Variants in MACF1 observed in about 807,000 individuals in gnomAD.
MACF1 encodes microtubule actin crosslinking factor 1, also known as microtubule-actin cross-linking factor 1.
Under a neutral mutation model 854.8 loss-of-function variants are expected in MACF1, and 193 were observed. The ratio of observed to expected loss-of-function variants is 0.23; its 90% confidence interval spans 0.20 to 0.25. MACF1 has a LOEUF of 0.25. Ranked by LOEUF, MACF1 falls within the 10% of genes least tolerant of loss-of-function variation. The probability of loss-of-function intolerance (pLI) is 1.00; values close to 1 mark genes in which losing one functional copy is unlikely to be tolerated. For missense variants in MACF1, 7,722 were observed against 8,929.1 expected (o/e 0.86, Z 5.45); for synonymous variants, 3,185 against 3,226.7 (o/e 0.99, Z 0.44).
chr1:39,367,738 A>G (rs1392145579), intron 49 of MACF1, among the ~76,000 whole-genome samples: 2 of 152,152 alleles, frequency 1.3e-5, no homozygotes, highest in African/African-American at 2.4e-5. Context: ...CTGTTTTGTA[A>G]TTCCTAGCCA....
In MACF1 at chr1:39,283,627, A is replaced by G; in HGVS notation, c.915+112A>G. Reference sequence around the variant, plus strand: ...GTATACTCATGGTATCAAACTATATATCCAGTATCTTTATCATACATGGAC... The same window carrying G: ...GTATACTCATGGTATCAAACTATATGTCCAGTATCTTTATCATACATGGAC... On this transcript the variant is annotated intron_variant, in intron 9 of 100. Coordinates refer to ENST00000564288, the MANE Select transcript of MACF1 (RefSeq NM_001394062.1). This position sits in a 1 kb window ranked among gnomAD's most constrained non-coding sequence, Gnocchi z 4.5. 1.4e-6 allele frequency: 1 copy of G among 732,644 alleles called. No individual in the cohort carries two copies. Among genetic ancestry groups the G allele is most frequent in the Non-Finnish European group, 2.4e-6 (1 of 424,028 alleles). The allele number at this position is 732,644 out of a possible 1,614,324, so 45.4% of individuals were successfully genotyped here.
rs1312446915 is a variant in MACF1, at chr1:39,332,810, A to G, written c.6222A>G (p.Val2074=). The part of the protein sequence containing the change: ...KTTVETEDSS[V]ENPEQDLFVE... ...CTGTAGAAACAGAAGATTCTTCTGTAGAGAACCCTGAACAGGATCTGTTTG... is the reference window on the plus strand; with the variant it reads ...CTGTAGAAACAGAAGATTCTTCTGTGGAGAACCCTGAACAGGATCTGTTTG... The change falls in exon 37 of 101, where the codon GTA becomes GTG. Residue 2074 remains valine (V), a synonymous_variant. Coordinates refer to ENST00000564288, the MANE Select transcript of MACF1 (RefSeq NM_001394062.1). The G allele has an allele frequency of 1.2e-6, 2 of 1,614,064 alleles. No homozygotes were observed. The highest frequency in any genetic ancestry group is 1.7e-6 in the Non-Finnish European group (2 of 1,180,032).
intron 2 of MACF1, among the ~76,000 whole-genome samples, chr1:39,177,165 C>T (rs932826357): frequency 5.3e-5 from 8 of 152,088 alleles, no homozygotes; most frequent in South Asian, 2.1e-4. Context: ...GACCTAGTTT[C>T]GCTCTTGTTG....
At chr1:39,294,896 A>G (rs1030190631) in intron 18 of MACF1, 150 bp from the exon 19 acceptor site, 8 of 571,420 alleles carry the variant, frequency 1.4e-5, no homozygotes, top group African/African-American at 3.8e-5. Context: ...CCTTCTCTGC[A>G]ATCCTCTGGC....
chr1:39,349,031 A>T (rs1647120579), intron 41 of MACF1, among the ~76,000 whole-genome samples: 1 of 152,172 alleles, frequency 6.6e-6, no homozygotes, highest in African/African-American at 2.4e-5. Flanking sequence ...CTTATGAATT[A>T]TCCAGGTCTT....
At position 39,324,659 on chromosome 1, in the gene MACF1, A is replaced by C; in HGVS notation, c.4403A>C (p.Glu1468Ala). Residue 1468 changes from glutamate (E) to alanine (A), a missense_variant, in exon 35 of 101, where the codon GAG (glutamate) becomes GCG (alanine). Physicochemically the swap from Glu to Ala is moderately radical, Grantham distance 107 (BLOSUM62 -1). Around this residue, in one of 15 missense-constraint regions of MACF1, gnomAD observed 1,531 missense variants for 1,601.6 expected, o/e 0.96. Coordinates refer to ENST00000564288, the MANE Select transcript of MACF1 (RefSeq NM_001394062.1). The part of the protein sequence containing the change: ...AILEQQVLSE[E>A]LTTKKEQVSE... ...TCTACCATGTAGGTTCTGTCAGAAG[A>C]GCTGACAACAAAGAAAGAACAAGTC... 6.2e-7 allele frequency: 1 copy of C among 1,611,894 alleles called. No homozygotes were observed. Among genetic ancestry groups the C allele is most frequent in the Non-Finnish European group, 8.5e-7 (1 of 1,178,260 alleles).
At chr1:39,223,515 A>AT (rs767574940) in intron 1 of MACF1, among the ~76,000 whole-genome samples, 2,115 of 144,978 alleles carry the variant, frequency 0.015, 35 homozygotes, top group East Asian at 0.035. Flanking sequence ...ATGCTATTTA[A>AT]TTTTTTTTTT....
intron 99 of MACF1, among the ~76,000 whole-genome samples, chr1:39,483,099 A>C (rs1244006282): frequency 6.7e-6 from 1 of 148,206 alleles, no homozygotes; most frequent in African/African-American, 2.5e-5. Flanking sequence ...AAAAAAAAAA[A>C]AAAAAAAAAA....
At chr1:39,360,005 AAAAAAAAATATATATATATATAT>A (rs1393072280) in intron 47 of MACF1, among the ~76,000 whole-genome samples, 31 of 69,498 alleles carry the variant, frequency 4.5e-4, no homozygotes, top group Non-Finnish European at 4.4e-4. Context: ...AAAAAAAAAA[AAAAAAAAATATATATATATATAT>A]ATATATATAT....
At position 39,411,367 on chromosome 1, in the gene MACF1, AAC is replaced by A. The variant is rs763790036; in HGVS notation, c.15817-11003_15817-11002del. The stretch of plus-strand genomic sequence containing the variant: ...TATTTTTGAAGAAAGAGAACAAGCA[AAC>A]ACAGCAGTGGTGGAGGATGGATCCG... On this transcript the variant is annotated intron_variant, in intron 58 of 100. Transcript: ENST00000564288. 32 of 1,614,052 alleles carry A rather than the reference AAC, an allele frequency of 2.0e-5. No individual in the cohort carries two copies. In the Admixed American group the frequency reaches 2.0e-4, roughly 10 times the overall value.
intron 1 of MACF1, among the ~76,000 whole-genome samples, chr1:39,214,001 T>A (rs921713632): frequency 6.6e-6 from 1 of 152,210 alleles, no homozygotes; most frequent in African/African-American, 2.4e-5. Context: ...TTAAACTGAA[T>A]GGTCTGCTAG....
chr1:39,458,546 C>T (rs1644488282), intron 90 of MACF1, 56 bp downstream of exon 90: 1 of 1,535,948 alleles, frequency 6.5e-7, no homozygotes, highest in African/African-American at 1.4e-5. Context: ...TGAGGATGAG[C>T]ACTTTCCAAA....
At chr1:39,240,241 C>T (rs1644906971) in intron 2 of MACF1, among the ~76,000 whole-genome samples, 1 of 152,154 alleles carries the variant, frequency 6.6e-6, no homozygotes, top group Non-Finnish European at 1.5e-5. Flanking sequence ...ATGAGACGGG[C>T]AGTGGAGTTT....
At chr1:39,405,467 G>A (rs768873367) in intron 58 of MACF1, among the ~76,000 whole-genome samples, 4 of 152,234 alleles carry the variant, frequency 2.6e-5, no homozygotes, top group African/African-American at 4.8e-5. Context: ...CTAGGGAAGT[G>A]TGAATCTGGG....
At position 39,254,559 on chromosome 1, in the gene MACF1, C is replaced by G. The variant is rs139272593; in HGVS notation, c.435+184C>G. The G allele has an allele frequency of 5.6e-4, 312 of 559,940 alleles. 2 individuals are homozygous for G. The East Asian group carries it at 9.0e-3, about 16-fold the overall frequency. 34.7% of individuals were successfully genotyped at this position (559,940 alleles called of 1,614,324 possible). On this transcript the variant is annotated intron_variant, in intron 5 of 100. Coordinates refer to ENST00000564288, the MANE Select transcript of MACF1 (RefSeq NM_001394062.1). ...TTAGAGAAATCATTCAGTACTCACA[C>G]AGAACTTGTGACCTCCTTGAGAGGA...
chr1:39,287,670 T>A, intron 15 of MACF1, 108 bp downstream of exon 15: 2 of 1,224,440 alleles, frequency 1.6e-6, no homozygotes, highest in African/African-American at 3.0e-5. Context: ...TTCCCTTAAT[T>A]ATTATTATTC....
intron 2 of MACF1, among the ~76,000 whole-genome samples, chr1:39,090,695 C>T (rs566321221): frequency 6.6e-6 from 1 of 152,318 alleles, no homozygotes; most frequent in Admixed American, 6.5e-5. Flanking sequence ...GGTAGGAATG[C>T]AGAGGAAGGA....
At chr1:39,386,720 G>A (rs946469163) in intron 57 of MACF1, among the ~76,000 whole-genome samples, 2 of 152,010 alleles carry the variant, frequency 1.3e-5, no homozygotes, top group Admixed American at 6.6e-5. Flanking sequence ...GTGAGCCACC[G>A]CACCCAGTGA....
At position 39,232,063 on chromosome 1, in the gene MACF1, C is replaced by G. The variant is rs1161344832; in HGVS notation, c.171+820C>G. ...ATTTTAAATAGAGGAGAAACCATAA[C>G]AGAGGCATGTTAAGACTCACCTAAA... On this transcript the variant is annotated intron_variant, in intron 2 of 100. Coordinates refer to ENST00000564288, the MANE Select transcript of MACF1 (RefSeq NM_001394062.1). 2.7e-5 allele frequency among the ~76,000 whole-genome samples: 4 copies of G among 148,922 alleles called. 1 individual carries two copies. The highest frequency in any genetic ancestry group is 6.7e-5 in the Admixed American group (1 of 14,900).
Sources: allele counts gnomAD v4.1 joint callset (sites outside exome capture counted in the v4.1 genomes callset), GRCh38; gene constraint gnomAD v4.1.1; regional missense constraint gnomAD v4.1.1; non-coding constraint Gnocchi (gnomAD v3.1); transcripts MANE v1.5; gene names NCBI Gene and HGNC (gene_info 2026-07-23, HGNC 2026-07-21).